B3GALT1: variants seen among roughly 807,000 people sequenced by gnomAD.
B3GALT1 encodes the protein beta-1,3-galactosyltransferase 1, also known as UDP-Gal:betaGlcNAc beta 1,3-galactosyltransferase, polypeptide 1.
A neutral mutation model predicts 23.2 loss-of-function variants in B3GALT1; 10 were observed. The ratio of observed to expected loss-of-function variants is 0.43; its 90% CI spans 0.27 to 0.73. The LOEUF is 0.73. Ranked by LOEUF, B3GALT1 falls within the 30% of genes least tolerant of loss-of-function variation. The probability of loss-of-function intolerance (pLI) is 0.21; values close to 1 mark genes in which losing one functional copy is unlikely to be tolerated. For synonymous variants in B3GALT1, 156 were observed against 141.5 expected (o/e 1.10, Z -0.73); for missense variants, 299 against 405.4 (o/e 0.74, Z 2.25).
At chr2:167,851,732 A>G (rs1420092571) in intron 4 of B3GALT1, among the ~76,000 whole-genome samples, 1 of 152,220 alleles carries the variant, frequency 6.6e-6, no homozygotes, top group East Asian at 1.9e-4. Context: ...CTCCAGCCCA[A>G]GTAGAAGATA....
chr2:167,646,602 TA>T (rs1252241774), intron 2 of B3GALT1, among the ~76,000 whole-genome samples: 1 of 152,160 alleles, frequency 6.6e-6, no homozygotes, highest in African/African-American at 2.4e-5. Flanking sequence ...GAAAATCAGA[TA>T]CTTGTAAAAA....
chr2:167,599,689 T>C (rs1684839484), intron 2 of B3GALT1, among the ~76,000 whole-genome samples: 1 of 152,264 alleles, frequency 6.6e-6, no homozygotes. Flanking sequence ...TTACATCTTA[T>C]ACCTTCCTAA....
intron 1 of B3GALT1, among the ~76,000 whole-genome samples, chr2:167,445,961 A>G (rs930704330): frequency 2.0e-5 from 3 of 152,316 alleles, no homozygotes; most frequent in East Asian, 1.9e-4. Context: ...CCTAGCATCA[A>G]TAGACTTTAC....
At chr2:167,700,234 A>G (rs1320491984) in intron 3 of B3GALT1, among the ~76,000 whole-genome samples, 1 of 152,130 alleles carries the variant, frequency 6.6e-6, no homozygotes, top group Non-Finnish European at 1.5e-5. Flanking sequence ...ACAGAGTAAG[A>G]CCTTGTCTCA....
chr2:167,408,807 A>AAAAAAAAAAAAAAC (rs1559087681), intron 1 of B3GALT1, among the ~76,000 whole-genome samples: 1 of 138,076 alleles, frequency 7.2e-6, no homozygotes, highest in African/African-American at 2.7e-5. Context: ...ACAAAAAAAA[A>AAAAAAAAAAAAAAC]AAAAAACAAA....
chr2:167,808,300 A>G lies in B3GALT1; in HGVS notation c.-351-10372A>G, dbSNP rs540678572. 4.6e-5 allele frequency among the ~76,000 whole-genome samples: 7 copies of G among 151,446 alleles called. No individual in the cohort carries two copies. In the South Asian group the frequency reaches 1.5e-3, roughly 32 times the overall value. On this transcript the variant is annotated intron_variant, in intron 3 of 4. Transcript: ENST00000392690. ...TTTAATTGGAGCATTTAGCCCATTT[A>G]CCTTTAAGGTTAATATTGTTATGTG...
chr2:167,652,702 C>T (rs60916486), intron 3 of B3GALT1, among the ~76,000 whole-genome samples: 6,038 of 152,182 alleles, frequency 0.04, 414 homozygotes, highest in African/African-American at 0.14. Flanking sequence ...TACTTCATGT[C>T]TCCCACTTCC....
chr2:167,325,201 CT>C (rs969194707), intron 1 of B3GALT1, among the ~76,000 whole-genome samples: 6 of 151,008 alleles, frequency 4.0e-5, no homozygotes, highest in Admixed American at 6.6e-5. Flanking sequence ...ATATTGATTT[CT>C]TTTTTTTTGT....
At chr2:167,757,306 C>T (rs1687833741) in intron 3 of B3GALT1, among the ~76,000 whole-genome samples, 1 of 152,168 alleles carries the variant, frequency 6.6e-6, no homozygotes, top group Admixed American at 6.5e-5. Context: ...TGTATGCCAA[C>T]TCTGCCACCC....
At chr2:167,541,541 A>G (rs1349080170) in intron 2 of B3GALT1, among the ~76,000 whole-genome samples, 2 of 152,152 alleles carry the variant, frequency 1.3e-5, no homozygotes, top group Non-Finnish European at 2.9e-5. Flanking sequence ...AGTAATCTCA[A>G]TATTTCAGTT....
chr2:167,365,621 C>CAT (rs1697574023), intron 1 of B3GALT1, among the ~76,000 whole-genome samples: 1 of 151,290 alleles, frequency 6.6e-6, no homozygotes, highest in Admixed American at 6.6e-5. Context: ...CACACACACA[C>CAT]ACACGTGCAT....
chr2:167,347,652 T>C (rs539742987), intron 1 of B3GALT1, among the ~76,000 whole-genome samples: 2 of 152,320 alleles, frequency 1.3e-5, no homozygotes, highest in East Asian at 3.9e-4. Flanking sequence ...CTTGACATTT[T>C]TCAACATCAG....
At chr2:167,571,272 C>G (rs1235941890) in intron 2 of B3GALT1, among the ~76,000 whole-genome samples, 1 of 151,878 alleles carries the variant, frequency 6.6e-6, no homozygotes, top group African/African-American at 2.4e-5. Flanking sequence ...ATAGGTGATT[C>G]TGTAGTAGGG....
intron 1 of B3GALT1, among the ~76,000 whole-genome samples, chr2:167,319,076 CA>C (rs1696762947): frequency 6.6e-6 from 1 of 152,132 alleles, no homozygotes; most frequent in South Asian, 2.1e-4. Context: ...CAGCATTAGA[CA>C]CCATTGTCTT....
chr2:167,513,842 T>A (rs974287254), intron 2 of B3GALT1, among the ~76,000 whole-genome samples: 1 of 152,166 alleles, frequency 6.6e-6, no homozygotes, highest in African/African-American at 2.4e-5. Context: ...TTTTTACTGC[T>A]GCTATAAACT....
intron 3 of B3GALT1, among the ~76,000 whole-genome samples, chr2:167,667,719 G>A (rs1044950289): frequency 1.3e-5 from 2 of 152,126 alleles, no homozygotes; most frequent in African/African-American, 2.4e-5. Context: ...CATCGCTGAT[G>A]CCCTTTCTTC....
intron 1 of B3GALT1, among the ~76,000 whole-genome samples, chr2:167,371,993 T>C (rs934730218): frequency 7.9e-5 from 12 of 151,678 alleles, no homozygotes; most frequent in African/African-American, 2.9e-4. Flanking sequence ...ATGGTTAAAA[T>C]TTCAAAAAAT....
At chr2:167,442,482 T>G (rs1170107542) in intron 1 of B3GALT1, among the ~76,000 whole-genome samples, 1 of 151,844 alleles carries the variant, frequency 6.6e-6, no homozygotes, top group East Asian at 1.9e-4. Context: ...TGAACTAGTT[T>G]ACAGTCCCAC....
At chr2:167,852,508 G>A (rs956902931) in intron 4 of B3GALT1, among the ~76,000 whole-genome samples, 10 of 149,790 alleles carry the variant, frequency 6.7e-5, no homozygotes, top group East Asian at 2.0e-4. Context: ...GTGTGTGTAC[G>A]TGCTTATCAT....
Sources: gnomAD v4.1 joint callset for allele counts (sites outside exome capture counted in the v4.1 genomes callset) on GRCh38, gnomAD v4.1.1 for gene constraint, MANE v1.5 for transcripts, NCBI Gene and HGNC (gene_info 2026-07-23, HGNC 2026-07-21) for gene names.